The following NUBPL variants were observed in gnomAD, a reference collection of about 807,000 sequenced individuals.
NUBPL encodes the protein iron-sulfur cluster transfer protein NUBPL.
A neutral mutation model predicts 45.7 loss-of-function variants in NUBPL; 31 were observed. That is an observed-to-expected ratio of 0.68 (90% CI 0.51 to 0.92). NUBPL has a LOEUF of 0.92. Ranked by LOEUF, NUBPL falls within the 40% of genes least tolerant of loss-of-function variation. NUBPL has a pLI of 0.00. For missense variants in NUBPL, 401 were observed against 398.7 expected, an observed-to-expected ratio of 1.01 and a Z score of -0.05; for synonymous variants, 144 against 140.9, an observed-to-expected ratio of 1.02 and a Z score of -0.15.
In NUBPL at chr14:31,600,866, C is replaced by T. The variant is rs111380830; in HGVS notation, c.382+1487C>T. 2.4e-3 allele frequency among the ~76,000 whole-genome samples: 370 copies of T among 151,488 alleles called. 1 individual carries two copies. Among genetic ancestry groups the T allele is most frequent in the Admixed American group, 8.5e-3 (130 of 15,226 alleles). ...TGAATGGTAATGCCTAGGTTTTCTT[C>T]TAGGGTTTTTATGGTTTTAGGTCTA... On this transcript the variant is annotated intron_variant, in intron 4 of 10. Coordinates refer to ENST00000281081, the MANE Select transcript of NUBPL (RefSeq NM_025152.3).
intron 6 of NUBPL, among the ~76,000 whole-genome samples, chr14:31,683,771 C>G (rs1356544977): frequency 6.6e-6 from 1 of 150,464 alleles, no homozygotes; most frequent in Non-Finnish European, 1.5e-5. Context: ...CATTTTTTTT[C>G]TATGTTGTGG....
Position 31,593,806 on chromosome 14 carries a change from A to T in NUBPL, c.292-5483A>T, listed in dbSNP as rs543001743. ...CCAGGTGGATACTTGGGGGAATAGG[A>T]TTTCTGGTTGAGGGAATAGCAACTG... On this transcript the variant is annotated intron_variant, in intron 3 of 10. Coordinates refer to ENST00000281081, the MANE Select transcript of NUBPL (RefSeq NM_025152.3). 9.2e-5 allele frequency among the ~76,000 whole-genome samples: 14 copies of T among 152,212 alleles called. No homozygotes were observed. In the East Asian group the frequency reaches 2.7e-3, roughly 30 times the overall value.
At chr14:31,690,545 A>G (rs2037070152) in intron 6 of NUBPL, among the ~76,000 whole-genome samples, 1 of 152,170 alleles carries the variant, frequency 6.6e-6, no homozygotes, top group South Asian at 2.1e-4. Context: ...AAGGCTCATT[A>G]TGCAGGATAC....
intron 6 of NUBPL, among the ~76,000 whole-genome samples, chr14:31,711,720 G>T (rs1296662420): frequency 6.6e-5 from 10 of 152,110 alleles, no homozygotes; most frequent in East Asian, 1.9e-4. Context: ...GACTTCAGGA[G>T]TGAAGTTGCA....
At chr14:31,825,514 TCTC>T (rs2040082554) in intron 7 of NUBPL, among the ~76,000 whole-genome samples, 1 of 151,456 alleles carries the variant, frequency 6.6e-6, no homozygotes, top group Admixed American at 6.6e-5. Context: ...TTGTTCTCCT[TCTC>T]CTCCTCCTTA....
rs866511241 is a variant in NUBPL at position 31,859,705 on chromosome 14, G to A, written c.*525G>A. 1 of 163,438 alleles carries A rather than the reference G, an allele frequency of 6.1e-6. No homozygotes were observed. Among genetic ancestry groups the A allele is most frequent in the Admixed American group, 5.6e-5 (1 of 17,876 alleles). 10.1% of individuals were successfully genotyped at this position (163,438 alleles called of 1,614,324 possible). On this transcript the variant is annotated 3_prime_UTR_variant, in exon 11 of 11. Transcript: ENST00000281081. ...TAATGAATTTCAGTCTCCAGGAGTG[G>A]AGCCTGAACATATGTATTTTTAGTA...
chr14:31,660,783 G>T (rs1278914073), intron 4 of NUBPL, among the ~76,000 whole-genome samples: 1 of 152,080 alleles, frequency 6.6e-6, no homozygotes, highest in Non-Finnish European at 1.5e-5. Context: ...TGGAGCCAGG[G>T]AACAGAGTAG....
intron 2 of NUBPL, among the ~76,000 whole-genome samples, chr14:31,562,607 T>TGG (rs1566414127): frequency 9.4e-6 from 1 of 106,102 alleles, no homozygotes; most frequent in African/African-American, 3.7e-5. Flanking sequence ...TTTTTTTGTT[T>TGG]TTTTTTTTTT....
At chr14:31,637,356 C>T (rs2035536190) in intron 4 of NUBPL, among the ~76,000 whole-genome samples, 1 of 152,202 alleles carries the variant, frequency 6.6e-6, no homozygotes, top group African/African-American at 2.4e-5. Flanking sequence ...ACCCAGTAGT[C>T]ATTCAGGAGC....
At chr14:31,674,228 A>G (rs376869794) in intron 6 of NUBPL, among the ~76,000 whole-genome samples, 3 of 152,282 alleles carry the variant, frequency 2.0e-5, no homozygotes, top group African/African-American at 7.2e-5. Context: ...AGTAATTTGC[A>G]TTTACTTCAT....
intron 7 of NUBPL, among the ~76,000 whole-genome samples, chr14:31,788,652 A>C (rs1236442562): frequency 6.6e-6 from 1 of 152,200 alleles, no homozygotes; most frequent in Non-Finnish European, 1.5e-5. Flanking sequence ...TCATATCAGC[A>C]TGTACCTAGC....
intron 7 of NUBPL, among the ~76,000 whole-genome samples, chr14:31,812,772 G>T (rs925866385): frequency 3.4e-4 from 51 of 152,114 alleles, no homozygotes; most frequent in Non-Finnish European, 7.3e-5. Context: ...TCTTGCAAGG[G>T]TTTTATCTTA....
chr14:31,571,212 T>C (rs1484450964), intron 3 of NUBPL, among the ~76,000 whole-genome samples: 1 of 152,192 alleles, frequency 6.6e-6, no homozygotes, highest in Non-Finnish European at 1.5e-5. Flanking sequence ...CTTATATGGC[T>C]GTGCTGGTTA....
In NUBPL at chr14:31,688,412, C is replaced by T. The variant is rs149144354; in HGVS notation, c.513+14838C>T. ...CCAACATAGCAAAACCCCGTCTCTACTAAAAATACAAAAAGTTAGCCAGGC... is the reference window on the plus strand; with the variant it reads ...CCAACATAGCAAAACCCCGTCTCTATTAAAAATACAAAAAGTTAGCCAGGC... On this transcript the variant is annotated intron_variant, in intron 6 of 10. Coordinates refer to ENST00000281081, the MANE Select transcript of NUBPL (RefSeq NM_025152.3). 6.6e-3 allele frequency among the ~76,000 whole-genome samples: 998 copies of T among 151,788 alleles called. 13 individuals are homozygous for T. The highest frequency in any genetic ancestry group is 0.023 in the African/African-American group (934 of 41,346).
At chr14:31,639,742 C>T (rs867989114) in intron 4 of NUBPL, among the ~76,000 whole-genome samples, 4 of 152,208 alleles carry the variant, frequency 2.6e-5, no homozygotes, top group Non-Finnish European at 4.4e-5. Context: ...CCACCCAGTT[C>T]GAGCTTCCTG....
intron 7 of NUBPL, among the ~76,000 whole-genome samples, chr14:31,806,265 G>A (rs901715370): frequency 6.6e-6 from 1 of 152,066 alleles, no homozygotes; most frequent in South Asian, 2.1e-4. Flanking sequence ...AATAAAGTTA[G>A]GGTAATGGTA....
intron 4 of NUBPL, among the ~76,000 whole-genome samples, chr14:31,611,724 C>T (rs746256984): frequency 1.9e-4 from 29 of 152,016 alleles, no homozygotes; most frequent in Non-Finnish European, 3.5e-4. Context: ...AAAACAGACA[C>T]ACAGACGAAT....
chr14:31,735,851 TA>T (rs1220200292), intron 6 of NUBPL, among the ~76,000 whole-genome samples: 1 of 151,990 alleles, frequency 6.6e-6, no homozygotes, highest in Non-Finnish European at 1.5e-5. Context: ...GACTCTGTCT[TA>T]AAAAAAATCA....
chr14:31,742,088 A>G (rs940215567), intron 6 of NUBPL, among the ~76,000 whole-genome samples: 2 of 152,154 alleles, frequency 1.3e-5, no homozygotes, highest in Non-Finnish European at 2.9e-5. Context: ...GAGGAAGGAG[A>G]TAGGAAACCC....
Sources: allele counts gnomAD v4.1 joint callset (sites outside exome capture counted in the v4.1 genomes callset), GRCh38; gene constraint gnomAD v4.1.1; transcripts MANE v1.5; gene names NCBI Gene and HGNC (gene_info 2026-07-23, HGNC 2026-07-21).